Variants in HECW2 observed in about 807,000 individuals in gnomAD.
HECW2 encodes E3 ubiquitin-protein ligase HECW2.
In HECW2, 61 loss-of-function variants were observed where a neutral mutation model predicts 175.2. That is an observed-to-expected ratio of 0.35 (90% CI 0.28 to 0.43). The LOEUF is 0.43. HECW2 is among the 20% of genes least tolerant of loss of function. The pLI is 1.00. For missense variants in HECW2, 1,524 were observed against 2,000.5 expected (o/e 0.76, Z 4.54); for synonymous variants, 671 against 731.0 (o/e 0.92, Z 1.32).
At chr2:196,468,823 C>T (rs16851973) in intron 1 of HECW2, among the ~76,000 whole-genome samples, 4,853 of 152,182 alleles carry the variant, frequency 0.032, 255 homozygotes, top group African/African-American at 0.11. Context: ...ATATGGGTTA[C>T]CTAAGCCAAG....
At chr2:196,438,849 T>C (rs1470046669) in intron 1 of HECW2, among the ~76,000 whole-genome samples, 3 of 152,146 alleles carry the variant, frequency 2.0e-5, no homozygotes, top group Admixed American at 1.3e-4. Context: ...TTATAACTCT[T>C]TTTGCTTCTT....
intron 2 of HECW2, among the ~76,000 whole-genome samples, chr2:196,419,865 C>T (rs1279946240): frequency 6.6e-6 from 1 of 152,162 alleles, no homozygotes; most frequent in African/African-American, 2.4e-5. Flanking sequence ...CGTACCCCCA[C>T]TCCAAAACGA....
In HECW2 at chr2:196,325,047, G is replaced by T. The variant is rs767506318; in HGVS notation, c.674C>A (p.Ala225Asp). 6.2e-7 allele frequency: 1 copy of T among 1,612,196 alleles called. No homozygotes were observed. Among genetic ancestry groups the T allele is most frequent in the Non-Finnish European group, 8.5e-7 (1 of 1,179,304 alleles). The change falls in exon 6 of 29, where the codon GCC (alanine) becomes GAC (aspartate). Residue 225 changes from alanine (A) to aspartate (D), a missense_variant. Ala to Asp is a moderately radical substitution (Grantham distance 126). This residue lies in a region of HECW2 where 95 missense variants were observed against 136.8 expected (regional missense o/e 0.69). Coordinates refer to ENST00000644978, the MANE Select transcript of HECW2 (RefSeq NM_001348768.2). Reference sequence around the variant, plus strand: ...AGACCGTCTCTCCTGCCCGTGGTGGGCACAGGTGGGGAAACTGCTCTTCTT... The same window carrying T: ...AGACCGTCTCTCCTGCCCGTGGTGGTCACAGGTGGGGAAACTGCTCTTCTT... ...PGKKSSFPTC[A>D]HHGQERRSTI...
chr2:196,565,376 C>A (rs1690149824), intron 1 of HECW2, among the ~76,000 whole-genome samples: 1 of 152,096 alleles, frequency 6.6e-6, no homozygotes, highest in Admixed American at 6.5e-5. Context: ...AAGAAGAATT[C>A]TTATGCAACA....
At chr2:196,384,309 G>A (rs1442895910) in intron 2 of HECW2, among the ~76,000 whole-genome samples, 1 of 152,104 alleles carries the variant, frequency 6.6e-6, no homozygotes, top group Non-Finnish European at 1.5e-5. Flanking sequence ...GGCTGAGCAC[G>A]GTGGCTCGTA....
intron 1 of HECW2, among the ~76,000 whole-genome samples, chr2:196,523,033 A>G (rs1688470605): frequency 6.6e-6 from 1 of 151,514 alleles, no homozygotes; most frequent in African/African-American, 2.4e-5. Context: ...TGGTAGCTTG[A>G]TGGGGATGGC....
intron 1 of HECW2, among the ~76,000 whole-genome samples, chr2:196,553,045 G>A (rs976716694): frequency 6.6e-6 from 1 of 152,222 alleles, no homozygotes; most frequent in East Asian, 1.9e-4. Flanking sequence ...GGCGAGTAGG[G>A]CCAAAGGGGA....
At chr2:196,557,347 A>G (rs1689835647) in intron 1 of HECW2, among the ~76,000 whole-genome samples, 1 of 151,804 alleles carries the variant, frequency 6.6e-6, no homozygotes, top group South Asian at 2.1e-4. Flanking sequence ...GTGAGCCAAG[A>G]TTGCACCATT....
intron 2 of HECW2, among the ~76,000 whole-genome samples, chr2:196,430,428 G>GA (rs78466113): frequency 7.4e-5 from 11 of 149,450 alleles, no homozygotes; most frequent in South Asian, 2.1e-4. Context: ...CATGGTCAAT[G>GA]AAAAAAAAAA....
intron 1 of HECW2, among the ~76,000 whole-genome samples, chr2:196,554,085 T>C (rs1413020405): frequency 6.6e-6 from 1 of 152,164 alleles, no homozygotes; most frequent in Non-Finnish European, 1.5e-5. Context: ...ACGCCTGTAA[T>C]CCCAGCACTT....
chr2:196,593,153 T>C (rs1403940329), intron 1 of HECW2, among the ~76,000 whole-genome samples: 1 of 151,048 alleles, frequency 6.6e-6, no homozygotes, highest in Non-Finnish European at 1.5e-5. Flanking sequence ...CCCAGAGCTC[T>C]CGAGGCGGCT....
At chr2:196,373,773 G>A (rs1372543985) in intron 2 of HECW2, among the ~76,000 whole-genome samples, 2 of 152,164 alleles carry the variant, frequency 1.3e-5, no homozygotes, top group African/African-American at 2.4e-5. Context: ...GCATGCTCAA[G>A]AAATATGTGC....
intron 22 of HECW2, 36 bp from the exon 23 acceptor site, chr2:196,225,906 T>C (rs1206479931): frequency 1.5e-6 from 2 of 1,333,916 alleles, no homozygotes; most frequent in Non-Finnish European, 2.2e-6. Flanking sequence ...TTACATGTCA[T>C]GGAGCAGTTT....
intron 1 of HECW2, among the ~76,000 whole-genome samples, chr2:196,451,509 C>T (rs894517961): frequency 2.0e-5 from 3 of 151,530 alleles, no homozygotes; most frequent in Non-Finnish European, 4.4e-5. Flanking sequence ...TCTGTTCAGA[C>T]ACTAGAAACA....
intron 2 of HECW2, among the ~76,000 whole-genome samples, chr2:196,368,582 T>C (rs751105803): frequency 5.9e-5 from 9 of 152,192 alleles, no homozygotes. Flanking sequence ...ACTATCTCTC[T>C]CTACCTCCTG....
chr2:196,577,582 T>C (rs1233083323), intron 1 of HECW2, among the ~76,000 whole-genome samples: 3 of 152,166 alleles, frequency 2.0e-5, no homozygotes, highest in Non-Finnish European at 2.9e-5. Context: ...TATTTACTCA[T>C]ACCCAAGACA....
At chr2:196,576,852 T>C (rs1437093166) in intron 1 of HECW2, among the ~76,000 whole-genome samples, 1 of 152,080 alleles carries the variant, frequency 6.6e-6, no homozygotes, top group Non-Finnish European at 1.5e-5. Flanking sequence ...TATACCTCAA[T>C]AAAGCTGGAA....
At chr2:196,429,015 T>C (rs1197017043) in intron 2 of HECW2, among the ~76,000 whole-genome samples, 1 of 152,210 alleles carries the variant, frequency 6.6e-6, no homozygotes, top group Non-Finnish European at 1.5e-5. Context: ...TCATGATTGC[T>C]ACATGGATGC....
chr2:196,347,099 C>T (rs983440820), intron 2 of HECW2, among the ~76,000 whole-genome samples: 1 of 151,140 alleles, frequency 6.6e-6, no homozygotes, highest in Non-Finnish European at 1.5e-5. Context: ...GTCACCCAGG[C>T]TGGAGTACAG....
Sources: gnomAD v4.1 joint callset for allele counts (sites outside exome capture counted in the v4.1 genomes callset) on GRCh38, gnomAD v4.1.1 for gene constraint, gnomAD v4.1.1 regional missense constraint, MANE v1.5 for transcripts, NCBI Gene and HGNC (gene_info 2026-07-23, HGNC 2026-07-21) for gene names.